CEP128: variants seen among roughly 807,000 people sequenced by gnomAD.
CEP128 encodes centrosomal protein 128kDa.
CEP128 carries 132 observed loss-of-function variants against 156.7 expected under a neutral mutation model. That is an observed-to-expected ratio of 0.84 (90% CI 0.73 to 0.97). The LOEUF is 0.97. Among genes scored for constraint, CEP128 ranks in the 50% least tolerant of loss-of-function variants. The pLI, the probability that CEP128 is intolerant of heterozygous loss-of-function variation, is 0.00. For missense variants in CEP128, 1,252 were observed against 1,281.9 expected, an observed-to-expected ratio of 0.98 and a Z score of 0.36; for synonymous variants, 469 against 448.9, an observed-to-expected ratio of 1.04 and a Z score of -0.57.
chr14:80,678,145 G>A (rs540855434), intron 19 of CEP128, among the ~76,000 whole-genome samples: 1 of 151,070 alleles, frequency 6.6e-6, no homozygotes, highest in South Asian at 2.1e-4. Context: ...GTGAATTCCT[G>A]AAGGTAAGCT....
chr14:80,516,454 C>T (rs1267941847), intron 23 of CEP128, among the ~76,000 whole-genome samples: 2 of 152,170 alleles, frequency 1.3e-5, no homozygotes, highest in Non-Finnish European at 2.9e-5. Context: ...GATGCTAGCA[C>T]TCCCTTGACA....
At chr14:80,584,055 T>G (rs1192244301) in intron 19 of CEP128, among the ~76,000 whole-genome samples, 1 of 152,110 alleles carries the variant, frequency 6.6e-6, no homozygotes, top group Non-Finnish European at 1.5e-5. Context: ...TGCACCCTTC[T>G]TCATACTGAT....
chr14:80,880,864 A>G (rs1033654683), intron 8 of CEP128, among the ~76,000 whole-genome samples: 3 of 90,702 alleles, frequency 3.3e-5, no homozygotes, highest in African/African-American at 1.4e-4. Context: ...CTCCATCTCA[A>G]AAATAATAAT....
At chr14:80,900,593 A>T (rs1883494169) in intron 6 of CEP128, among the ~76,000 whole-genome samples, 2 of 152,252 alleles carry the variant, frequency 1.3e-5, no homozygotes, top group Admixed American at 1.3e-4. Context: ...AGTATGGTAC[A>T]GCATTATTCA....
intron 18 of CEP128, among the ~76,000 whole-genome samples, chr14:80,744,855 C>T (rs1383739121): frequency 6.6e-6 from 1 of 152,132 alleles, no homozygotes; most frequent in Non-Finnish European, 1.5e-5. Context: ...GGTTACCCTA[C>T]CCCAAGCACA....
At chr14:80,866,093 C>G (rs539003889) in intron 8 of CEP128, among the ~76,000 whole-genome samples, 1 of 152,138 alleles carries the variant, frequency 6.6e-6, no homozygotes, top group Non-Finnish European at 1.5e-5. Flanking sequence ...TCAGCCCCCA[C>G]AGATGCAGGC....
At chr14:80,497,871 GCACACGCACACACACTTGCA>G (rs1887564394) in intron 24 of CEP128, among the ~76,000 whole-genome samples, 1 of 152,172 alleles carries the variant, frequency 6.6e-6, no homozygotes, top group Admixed American at 6.6e-5. Flanking sequence ...GTGTGCACGT[GCACACGCACACACACTTGCA>G]CACTCGCAAA....
intron 11 of CEP128, 107 bp downstream of exon 11, chr14:80,838,097 T>G: frequency 1.3e-6 from 1 of 753,146 alleles, no homozygotes; most frequent in Non-Finnish European, 2.2e-6. Context: ...AGGAAAACAT[T>G]TTTTCTAGAC....
chr14:80,484,592 T>C (rs1887120049), intron 14 of CEP128, among the ~76,000 whole-genome samples: 1 of 152,208 alleles, frequency 6.6e-6, no homozygotes, highest in Non-Finnish European at 1.5e-5. Flanking sequence ...GATCTCACTC[T>C]GGTGATTGCC....
At chr14:80,649,013 C>G (rs1251764782) in intron 19 of CEP128, among the ~76,000 whole-genome samples, 1 of 152,030 alleles carries the variant, frequency 6.6e-6, no homozygotes, top group East Asian at 1.9e-4. Flanking sequence ...GGTAATCTAA[C>G]TGATGTAAGA....
chr14:80,504,569 C>T (rs1390370806), intron 24 of CEP128, among the ~76,000 whole-genome samples: 21 of 152,150 alleles, frequency 1.4e-4, no homozygotes, highest in Admixed American at 1.4e-3. Context: ...CAAAGAACTT[C>T]AATTTTTTGA....
intron 19 of CEP128, among the ~76,000 whole-genome samples, chr14:80,692,889 ATCTTTC>A (rs1176135932): frequency 4.6e-5 from 7 of 152,178 alleles, no homozygotes; most frequent in Non-Finnish European, 1.0e-4. Flanking sequence ...AAGGTTTTGC[ATCTTTC>A]TCCAGTTAGG....
At chr14:80,651,480 G>A (rs2140851824) in intron 19 of CEP128, among the ~76,000 whole-genome samples, 1 of 152,018 alleles carries the variant, frequency 6.6e-6, no homozygotes, top group African/African-American at 2.4e-5. Context: ...GTTTGCTCTT[G>A]TTTCTCTAGT....
intron 13 of CEP128, among the ~76,000 whole-genome samples, chr14:80,819,109 G>C (rs956154295): frequency 1.3e-5 from 2 of 152,102 alleles, no homozygotes; most frequent in African/African-American, 4.8e-5. Context: ...CTGGAAGCTG[G>C]AAATCAAAGA....
intron 19 of CEP128, among the ~76,000 whole-genome samples, chr14:80,675,614 T>G (rs1408460350): frequency 6.6e-6 from 1 of 152,114 alleles, no homozygotes; most frequent in African/African-American, 2.4e-5. Flanking sequence ...TATTGATTTG[T>G]AGGAATTCAT....
downstream of CEP128, among the ~76,000 whole-genome samples, chr14:80,492,376 T>C (rs543101277): frequency 1.3e-5 from 2 of 152,288 alleles, no homozygotes; most frequent in African/African-American, 2.4e-5. Context: ...AAGTGTTTCA[T>C]GTATTAATCT....
At chr14:80,567,884 T>G (rs1890982111) in intron 20 of CEP128, among the ~76,000 whole-genome samples, 1 of 151,320 alleles carries the variant, frequency 6.6e-6, no homozygotes, top group African/African-American at 2.4e-5. Context: ...AATTGAGGAG[T>G]ACCAGGAGAA....
At chr14:80,956,924 GA>G (rs1886725059) in intron 2 of CEP128, among the ~76,000 whole-genome samples, 1 of 152,158 alleles carries the variant, frequency 6.6e-6, no homozygotes, top group South Asian at 2.1e-4. Flanking sequence ...CACAGAATAA[GA>G]TGTGTAAAAG....
chr14:80,562,030 C>T (rs561884638), intron 20 of CEP128, among the ~76,000 whole-genome samples: 88 of 151,814 alleles, frequency 5.8e-4, no homozygotes, highest in African/African-American at 2.1e-3. Context: ...CAAGTTCACG[C>T]CATTCTCCTG....
Sources: gnomAD v4.1 joint callset for allele counts (sites outside exome capture counted in the v4.1 genomes callset) on GRCh38, gnomAD v4.1.1 for gene constraint, MANE v1.5 for transcripts, NCBI Gene and HGNC (gene_info 2026-07-23, HGNC 2026-07-21) for gene names.